CA10: variants seen among roughly 807,000 people sequenced by gnomAD.
CA10 encodes carbonic anhydrase 10 (inactive), also known as carbonic anhydrase-related protein 10.
In CA10, 14 loss-of-function variants were observed where a neutral mutation model predicts 44.2. The ratio of observed to expected loss-of-function variants is 0.32; its 90% CI spans 0.21 to 0.50. The LOEUF (loss-of-function observed/expected upper bound fraction) is 0.50. Among genes scored for constraint, CA10 ranks in the 20% least tolerant of loss-of-function variants. The pLI is 0.99. For missense variants in CA10, 350 were observed against 409.7 expected, an observed-to-expected ratio of 0.85 and a Z score of 1.26; for synonymous variants, 159 against 141.6, an observed-to-expected ratio of 1.12 and a Z score of -0.87.
At chr17:51,744,961 A>G (rs900426288) in intron 4 of CA10, among the ~76,000 whole-genome samples, 4 of 152,226 alleles carry the variant, frequency 2.6e-5, no homozygotes, top group African/African-American at 9.6e-5. Flanking sequence ...AGGCTTGGAA[A>G]GAAATGTGAT....
At chr17:51,987,435 C>T (rs369428686) in intron 2 of CA10, among the ~76,000 whole-genome samples, 3 of 151,676 alleles carry the variant, frequency 2.0e-5, no homozygotes, top group Non-Finnish European at 4.4e-5. Flanking sequence ...GTACACTGCT[C>T]GGGTAATGGG....
intron 1 of CA10, among the ~76,000 whole-genome samples, chr17:52,141,688 G>A (rs1168662146): frequency 6.6e-6 from 1 of 152,124 alleles, no homozygotes; most frequent in African/African-American, 2.4e-5. Flanking sequence ...GTTGTGGGCT[G>A]GATTTAGTCC....
In CA10 at chr17:51,777,267, G is replaced by A. The variant is rs554048111; in HGVS notation, c.280-29449C>T. ...AGTTCCTGTGAAAGATCCAAGTGGTGATATTGAGTTGGCTTTGAGATGGGC... is the reference window on the plus strand; with the variant it reads ...AGTTCCTGTGAAAGATCCAAGTGGTAATATTGAGTTGGCTTTGAGATGGGC... On this transcript the variant is annotated intron_variant, in intron 3 of 8. Transcript: ENST00000451037. 3.7e-3 allele frequency among the ~76,000 whole-genome samples: 560 copies of A among 152,296 alleles called. 5 individuals carry two copies. Among genetic ancestry groups the A allele is most frequent in the Non-Finnish European group, 6.7e-3 (454 of 68,018 alleles).
At chr17:51,742,640 C>A (rs1301334248) in intron 4 of CA10, among the ~76,000 whole-genome samples, 2 of 152,102 alleles carry the variant, frequency 1.3e-5, no homozygotes, top group Non-Finnish European at 2.9e-5. Context: ...TGATTCAGAG[C>A]CACTGAGAGA....
chr17:51,663,707 T>C (rs1914098071), intron 4 of CA10, among the ~76,000 whole-genome samples: 1 of 152,210 alleles, frequency 6.6e-6, no homozygotes, highest in Non-Finnish European at 1.5e-5. Flanking sequence ...AAATGGGAGT[T>C]GCAGTGATTA....
chr17:51,804,215 A>G (rs1391992968), intron 3 of CA10, among the ~76,000 whole-genome samples: 1 of 152,212 alleles, frequency 6.6e-6, no homozygotes, highest in Admixed American at 6.5e-5. Flanking sequence ...AAAAAATACA[A>G]ATTTCTATAA....
At position 52,045,843 on chromosome 17, in the gene CA10, C is replaced by T. The variant is rs1986898010; in HGVS notation, c.136+26476G>A. Among the ~76,000 whole-genome samples the T allele has an allele frequency of 1.3e-5, 2 of 151,884 alleles. 1 individual carries two copies. Among genetic ancestry groups the T allele is most frequent in the South Asian group, 4.2e-4 (2 of 4,810 alleles). On this transcript the variant is annotated intron_variant, in intron 2 of 8. Coordinates refer to ENST00000451037, the MANE Select transcript of CA10 (RefSeq NM_020178.5). Reference sequence around the variant, plus strand: ...CACGTGGCATGTTTTGCAATTTGATCATACTGTGAGACATAAAACAAGTCT... The same window carrying T: ...CACGTGGCATGTTTTGCAATTTGATTATACTGTGAGACATAAAACAAGTCT...
intron 1 of CA10, among the ~76,000 whole-genome samples, chr17:52,103,522 G>A (rs1310938499): frequency 6.6e-6 from 1 of 152,150 alleles, no homozygotes; most frequent in African/African-American, 2.4e-5. Flanking sequence ...CTCCTAATCA[G>A]AGCAACTCAG....
chr17:51,730,808 C>T (rs1428965374), intron 4 of CA10, among the ~76,000 whole-genome samples: 2 of 152,012 alleles, frequency 1.3e-5, no homozygotes, highest in African/African-American at 4.8e-5. Flanking sequence ...AATGGGAAAA[C>T]TATCCCAGTG....
At chr17:51,694,244 G>A (rs977549162) in intron 4 of CA10, among the ~76,000 whole-genome samples, 8 of 151,448 alleles carry the variant, frequency 5.3e-5, no homozygotes, top group Non-Finnish European at 7.4e-5. Flanking sequence ...TGCTTTCCAA[G>A]TGGCAGAACT....
chr17:51,785,226 G>T (rs1279109878), intron 3 of CA10, among the ~76,000 whole-genome samples: 1 of 152,136 alleles, frequency 6.6e-6, no homozygotes, highest in Non-Finnish European at 1.5e-5. Context: ...GAACAGAGCT[G>T]TTACAAACAT....
At chr17:51,802,553 T>C (rs1039638230) in intron 3 of CA10, among the ~76,000 whole-genome samples, 93 of 135,978 alleles carry the variant, frequency 6.8e-4, no homozygotes, top group African/African-American at 2.6e-3. Context: ...GGATCATTTG[T>C]GCCTGATGTC....
At chr17:51,865,487 A>G (rs1979503383) in intron 3 of CA10, among the ~76,000 whole-genome samples, 1 of 152,222 alleles carries the variant, frequency 6.6e-6, no homozygotes, top group African/African-American at 2.4e-5. Context: ...TTATAGTGCA[A>G]TGATCCTCCA....
chr17:52,071,591 C>A (rs1987680548), intron 2 of CA10, among the ~76,000 whole-genome samples: 1 of 152,190 alleles, frequency 6.6e-6, no homozygotes, highest in Non-Finnish European at 1.5e-5. Flanking sequence ...CACACTGGCT[C>A]CTGCTGAGAG....
intron 4 of CA10, among the ~76,000 whole-genome samples, chr17:51,664,051 C>G (rs1240955001): frequency 6.6e-6 from 1 of 152,154 alleles, no homozygotes; most frequent in Non-Finnish European, 1.5e-5. Flanking sequence ...AACCACTGTA[C>G]TGGTATGTGT....
intron 4 of CA10, among the ~76,000 whole-genome samples, chr17:51,656,793 G>A (rs1913811214): frequency 6.6e-6 from 1 of 152,190 alleles, no homozygotes; most frequent in African/African-American, 2.4e-5. Flanking sequence ...TGATTTGGAT[G>A]CACGCTAAAG....
intron 1 of CA10, among the ~76,000 whole-genome samples, chr17:52,091,247 C>T (rs4459589): frequency 0.36 from 54,844 of 151,902 alleles, 11,119 homozygotes; most frequent in East Asian, 0.68. Context: ...TTTCTAACCA[C>T]TATTTTCCAA....
chr17:52,125,945 T>C (rs1292196925), intron 1 of CA10, among the ~76,000 whole-genome samples: 1 of 152,166 alleles, frequency 6.6e-6, no homozygotes, highest in African/African-American at 2.4e-5. Context: ...CACTCATTCA[T>C]TCATTCTTTC....
intron 4 of CA10, among the ~76,000 whole-genome samples, chr17:51,718,587 GTTT>G (rs1395179339): frequency 6.6e-6 from 1 of 152,126 alleles, no homozygotes; most frequent in Non-Finnish European, 1.5e-5. Context: ...ACTGGTAAAT[GTTT>G]CTCTGATTTC....
Sources: gnomAD v4.1 joint callset for allele counts (sites outside exome capture counted in the v4.1 genomes callset) on GRCh38, gnomAD v4.1.1 for gene constraint, MANE v1.5 for transcripts, NCBI Gene and HGNC (gene_info 2026-07-23, HGNC 2026-07-21) for gene names.